The following PCDHA8 variants were observed in gnomAD, a reference collection of about 807,000 sequenced individuals.
PCDHA8 encodes protocadherin alpha-8.
A neutral mutation model predicts 61.8 loss-of-function variants in PCDHA8; 53 were observed. The ratio of observed to expected loss-of-function variants is 0.86; its 90% CI spans 0.69 to 1.08. The LOEUF is 1.08. Among genes scored for constraint, PCDHA8 ranks in the 50% least tolerant of loss-of-function variants. The pLI, the probability that PCDHA8 is intolerant of heterozygous loss-of-function variation, is 0.00. For synonymous variants in PCDHA8, 618 were observed against 556.6 expected, an observed-to-expected ratio of 1.11 and a Z score of -1.55; for missense variants, 1,293 against 1,245.0, an observed-to-expected ratio of 1.04 and a Z score of -0.58.
intron 1 of PCDHA8, among the ~76,000 whole-genome samples, chr5:140,946,325 A>G (rs2093929113): frequency 6.6e-6 from 1 of 151,932 alleles, no homozygotes; most frequent in Non-Finnish European, 1.5e-5. Context: ...TGAAAGAGGA[A>G]AGATAACAAG....
chr5:140,981,335 AG>A (rs2096927378), intron 2 of PCDHA8, among the ~76,000 whole-genome samples: 3 of 152,168 alleles, frequency 2.0e-5, no homozygotes, highest in Non-Finnish European at 4.4e-5. Context: ...GCACTTTGGG[AG>A]GGTGAGGCAG....
chr5:140,962,155 G>A (rs977043867), intron 1 of PCDHA8, among the ~76,000 whole-genome samples: 8 of 152,060 alleles, frequency 5.3e-5, no homozygotes, highest in South Asian at 2.1e-4. Flanking sequence ...GATTACAGGC[G>A]TGAGCCACCA....
At position 140,928,057 on chromosome 5, in the gene PCDHA8, G is replaced by T. The variant is rs150006101; in HGVS notation, c.2395-50892G>T. 1.4e-4 allele frequency: 234 copies of T among 1,614,060 alleles called. No individual in the cohort carries two copies. Among genetic ancestry groups the T allele is most frequent in the Non-Finnish European group, 1.9e-4 (219 of 1,180,052 alleles). On this transcript the variant is annotated intron_variant, in intron 1 of 3. Transcript: ENST00000531613. ...TAGTGCAGGCCCTTTTCAGCTGACG[G>T]CTTCCTTTGACAACTACTACAGCCT...
intron 1 of PCDHA8, chr5:140,875,516 T>C: frequency 6.2e-7 from 1 of 1,613,976 alleles, no homozygotes; most frequent in Non-Finnish European, 8.5e-7. Context: ...CAGCGTCTGC[T>C]GCTCTCGCTT....
chr5:140,882,336 C>T, intron 1 of PCDHA8: 1 of 1,614,162 alleles, frequency 6.2e-7, no homozygotes, highest in Non-Finnish European at 8.5e-7. Flanking sequence ...ATCCTCGCAG[C>T]CTGGGAGACG....
intron 1 of PCDHA8, among the ~76,000 whole-genome samples, chr5:140,917,650 T>G (rs897307157): frequency 1.5e-4 from 23 of 152,226 alleles, no homozygotes; most frequent in African/African-American, 5.5e-4. Context: ...CCAGCAATAT[T>G]GAGTAGGAAG....
chr5:140,930,798 G>T (rs1339622831), intron 1 of PCDHA8, among the ~76,000 whole-genome samples: 1 of 152,094 alleles, frequency 6.6e-6, no homozygotes, highest in Non-Finnish European at 1.5e-5. Flanking sequence ...ATAGAATCCA[G>T]CATATAAGAT....
chr5:140,974,456 A>G (rs957426015), intron 1 of PCDHA8, among the ~76,000 whole-genome samples: 2 of 152,230 alleles, frequency 1.3e-5, no homozygotes, highest in Non-Finnish European at 2.9e-5. Context: ...AAATGACTAC[A>G]TTCAGAGGAA....
chr5:140,988,075 A>G (rs139957067), intron 3 of PCDHA8, among the ~76,000 whole-genome samples: 4 of 152,258 alleles, frequency 2.6e-5, no homozygotes, highest in Non-Finnish European at 4.4e-5. Flanking sequence ...TTTCTATTTC[A>G]TGAGTGAGTG....
At chr5:140,947,134 A>T in intron 1 of PCDHA8, among the ~76,000 whole-genome samples, 1 of 151,648 alleles carries the variant, frequency 6.6e-6, no homozygotes, top group Admixed American at 6.6e-5. Context: ...AAAAATAGTA[A>T]AATGTATAGT....
intron 1 of PCDHA8, chr5:140,857,523 C>T: frequency 1.9e-6 from 3 of 1,597,998 alleles, no homozygotes; most frequent in South Asian, 2.2e-5. Flanking sequence ...GTGTCCTACT[C>T]TCTGGTGGAG....
At chr5:140,876,164 C>T (rs1554168313) in intron 1 of PCDHA8, 2 of 1,613,950 alleles carry the variant, frequency 1.2e-6, no homozygotes, top group South Asian at 1.1e-5. Flanking sequence ...ATTCAAATAA[C>T]CGTCCTGGAT....
intron 1 of PCDHA8, chr5:140,862,600 TTCG>T (rs1554156642): frequency 1.9e-6 from 1 of 513,664 alleles, no homozygotes; most frequent in East Asian, 5.2e-5. Context: ...GTACATGGTG[TTCG>T]TGAAAGGTAA....
chr5:140,959,116 G>A (rs2095468018), intron 1 of PCDHA8, among the ~76,000 whole-genome samples: 1 of 152,002 alleles, frequency 6.6e-6, no homozygotes, highest in South Asian at 2.1e-4. Context: ...TCCGAAGGTG[G>A]GCGAGGTGAG....
chr5:140,928,821 C>A (rs2085565750), intron 1 of PCDHA8: 3 of 1,614,142 alleles, frequency 1.9e-6, no homozygotes, highest in Non-Finnish European at 2.5e-6. Context: ...ACCATGGAGA[C>A]CCACCACTTT....
intron 1 of PCDHA8, chr5:140,871,036 C>T: frequency 6.2e-7 from 1 of 1,613,274 alleles, no homozygotes; most frequent in Non-Finnish European, 8.5e-7. Context: ...GCCGCGCCAC[C>T]GACTTCTAGT....
rs782446287 is a variant in PCDHA8, at chr5:140,870,927, T to A, written c.2394+27212T>A. The A allele has an allele frequency of 1.9e-6, 3 of 1,613,762 alleles. No homozygotes were observed. The African/African-American group carries it at 4.0e-5, about 22-fold the overall frequency. ...CAGGCTACAACGCGTGGCTTTCATA[T>A]GAATTGCAGCCGGCGGCGGGCGGCT... is the stretch of plus-strand genomic sequence containing the variant. On this transcript the variant is annotated intron_variant, in intron 1 of 3. Transcript: ENST00000531613.
Position 140,842,130 on chromosome 5 carries a change from A to C in PCDHA8, c.809A>C (p.Asp270Ala), listed in dbSNP as rs2150330073. The C allele has an allele frequency of 6.2e-7, 1 of 1,613,892 alleles. No individual in the cohort carries two copies. Among genetic ancestry groups the C allele is most frequent in the Non-Finnish European group, 8.5e-7 (1 of 1,179,856 alleles). Residue 270 changes from aspartate (D) to alanine (A), a missense_variant, in exon 1 of 4, where the codon GAT becomes GCT. Coordinates refer to ENST00000531613, the MANE Select transcript of PCDHA8 (RefSeq NM_018911.3). ...TVIKLNASDP[D>A]EGANGAISYS... ...ATCAAACTGAATGCTTCTGATCCGGATGAAGGAGCCAATGGGGCAATTTCA... is the reference window on the plus strand; with the variant it reads ...ATCAAACTGAATGCTTCTGATCCGGCTGAAGGAGCCAATGGGGCAATTTCA...
chr5:140,879,720 G>C (rs1275273892), intron 1 of PCDHA8, among the ~76,000 whole-genome samples: 1 of 152,212 alleles, frequency 6.6e-6, no homozygotes, highest in Non-Finnish European at 1.5e-5. Flanking sequence ...TTGGAGACCA[G>C]AAGTCCAAAA....
Sources: gnomAD v4.1 joint callset for allele counts (sites outside exome capture counted in the v4.1 genomes callset) on GRCh38, gnomAD v4.1.1 for gene constraint, MANE v1.5 for transcripts, NCBI Gene and HGNC (gene_info 2026-07-23, HGNC 2026-07-21) for gene names.